Variants in STAC observed in about 807,000 individuals in gnomAD.
The protein encoded by STAC is SH3 and cysteine rich domain.
A neutral mutation model predicts 48.8 loss-of-function variants in STAC; 43 were observed. The ratio of observed to expected loss-of-function variants is 0.88; its 90% CI spans 0.69 to 1.14. STAC has a LOEUF of 1.14. Ranked by LOEUF, STAC falls within the 50% of genes most tolerant of loss-of-function variation. The pLI is 0.00. For synonymous variants in STAC, 193 were observed against 179.5 expected (o/e 1.07, Z -0.60); for missense variants, 497 against 504.0 (o/e 0.99, Z 0.13).
At chr3:36,514,558 A>G (rs1048841352) in intron 8 of STAC, among the ~76,000 whole-genome samples, 1 of 152,156 alleles carries the variant, frequency 6.6e-6, no homozygotes, top group Admixed American at 6.6e-5. Flanking sequence ...TGTAAACTCC[A>G]TGAGAACAAG....
chr3:36,495,611 G>C (rs1217883720), intron 6 of STAC, among the ~76,000 whole-genome samples: 1 of 152,228 alleles, frequency 6.6e-6, no homozygotes, highest in Non-Finnish European at 1.5e-5. Flanking sequence ...ATCCTGGCCT[G>C]GCTCTGTCTA....
At chr3:36,383,362 A>G (rs1444850246) in intron 1 of STAC, among the ~76,000 whole-genome samples, 1 of 152,200 alleles carries the variant, frequency 6.6e-6, no homozygotes, top group Non-Finnish European at 1.5e-5. Context: ...ATTTTAATAT[A>G]CACAAAAGTA....
chr3:36,454,103 G>C (rs1645315781), intron 2 of STAC, among the ~76,000 whole-genome samples: 1 of 151,510 alleles, frequency 6.6e-6, no homozygotes, highest in Non-Finnish European at 1.5e-5. Context: ...GGCCAAATAA[G>C]AGAATAAAAG....
At chr3:36,489,447 C>A (rs1033407417) in intron 5 of STAC, among the ~76,000 whole-genome samples, 1 of 152,232 alleles carries the variant, frequency 6.6e-6, no homozygotes, top group Non-Finnish European at 1.5e-5. Context: ...CTATCTCCAC[C>A]TCTGTCAGAC....
At position 36,450,546 on chromosome 3, in the gene STAC, T is replaced by A. The variant is rs577948085; in HGVS notation, c.388+6906T>A. 2.4e-3 allele frequency among the ~76,000 whole-genome samples: 371 copies of A among 152,270 alleles called. 2 individuals carry two copies. The highest frequency in any genetic ancestry group is 7.3e-3 in the South Asian group (35 of 4,822). On this transcript the variant is annotated intron_variant, in intron 2 of 10. Transcript: ENST00000273183. Reference sequence around the variant, plus strand: ...CATACCCAAATAAAATGGCATCCTATCCAGAGTCTCGCTCTGTCACCCAGG... The same window carrying A: ...CATACCCAAATAAAATGGCATCCTAACCAGAGTCTCGCTCTGTCACCCAGG...
chr3:36,545,129 C>A (rs1346252263), intron 10 of STAC, among the ~76,000 whole-genome samples: 2 of 152,196 alleles, frequency 1.3e-5, no homozygotes, highest in Non-Finnish European at 2.9e-5. Context: ...CTCACAGCTG[C>A]CCTTCTCAGG....
chr3:36,384,868 T>C (rs1383007161), intron 1 of STAC, among the ~76,000 whole-genome samples: 1 of 152,168 alleles, frequency 6.6e-6, no homozygotes, highest in Non-Finnish European at 1.5e-5. Flanking sequence ...GCCCTGAATC[T>C]CCCAGAAAGA....
chr3:36,449,512 G>A (rs1696622652), intron 2 of STAC, among the ~76,000 whole-genome samples: 1 of 152,126 alleles, frequency 6.6e-6, no homozygotes, highest in East Asian at 1.9e-4. Flanking sequence ...AATTATAAAT[G>A]ACACACATGA....
Position 36,397,463 on chromosome 3 carries a change from C to A in STAC, c.111+16709C>A, listed in dbSNP as rs76220263. On this transcript the variant is annotated intron_variant, in intron 1 of 10. Transcript: ENST00000273183. The stretch of plus-strand genomic sequence containing the variant: ...TAAGCTGCCATATTGGGCACTATCT[C>A]TTCTATTCAGTTATATATACTGTAA... 0.018 allele frequency among the ~76,000 whole-genome samples: 2,753 copies of A among 152,246 alleles called. 151 individuals are homozygous for A. The East Asian group carries it at 0.22, about 12-fold the overall frequency.
At chr3:36,404,375 T>C (rs563487651) in intron 1 of STAC, among the ~76,000 whole-genome samples, 5 of 152,196 alleles carry the variant, frequency 3.3e-5, no homozygotes, top group Non-Finnish European at 5.9e-5. Context: ...CCGTGTAGTA[T>C]TGGGATCATA....
intron 1 of STAC, among the ~76,000 whole-genome samples, chr3:36,405,331 A>G (rs1700069938): frequency 6.6e-6 from 1 of 152,292 alleles, no homozygotes; most frequent in East Asian, 1.9e-4. Context: ...TGAAACCTTG[A>G]GCTGTGATAA....
At position 36,505,972 on chromosome 3, in the gene STAC, T is replaced by C. The variant is rs960748710; in HGVS notation, c.920+138T>C. On this transcript the variant is annotated intron_variant, in intron 8 of 10. Coordinates refer to ENST00000273183, the MANE Select transcript of STAC (RefSeq NM_003149.3). Reference sequence around the variant, plus strand: ...AAACTTTAGCATGTATCTAATGACCTGCAAGGCTGGTTAACACACAGGCCC... The same window carrying C: ...AAACTTTAGCATGTATCTAATGACCCGCAAGGCTGGTTAACACACAGGCCC... The C allele has an allele frequency of 8.8e-6, 5 of 569,736 alleles. No homozygotes were observed. The African/African-American group carries it at 9.7e-5, about 11-fold the overall frequency. The allele number at this position is 569,736 out of a possible 1,614,324, so 35.3% of individuals were successfully genotyped here. A position where few individuals can be genotyped will look rare whatever the true frequency, so the allele number is the denominator to read the frequency against.
intron 8 of STAC, among the ~76,000 whole-genome samples, chr3:36,515,181 A>C (rs191685731): frequency 8.4e-4 from 128 of 152,230 alleles, no homozygotes; most frequent in African/African-American, 2.1e-3. Flanking sequence ...TCAAGAAGAA[A>C]TTGTAAAGGG....
At chr3:36,384,091 A>C (rs1197781149) in intron 1 of STAC, among the ~76,000 whole-genome samples, 1 of 152,196 alleles carries the variant, frequency 6.6e-6, no homozygotes, top group Non-Finnish European at 1.5e-5. Flanking sequence ...GAAAGATGAC[A>C]GCCTAATTTA....
intron 1 of STAC, among the ~76,000 whole-genome samples, chr3:36,442,122 T>A (rs1696367075): frequency 6.6e-6 from 1 of 152,212 alleles, no homozygotes. Context: ...ATCTGCATGA[T>A]CCATTGATCA....
At chr3:36,466,716 G>T (rs552632601) in intron 2 of STAC, among the ~76,000 whole-genome samples, 7 of 152,208 alleles carry the variant, frequency 4.6e-5, no homozygotes, top group African/African-American at 1.7e-4. Context: ...AACTTTGCTG[G>T]ATTCATTTAT....
At chr3:36,469,686 A>T (rs1275188573) in intron 2 of STAC, among the ~76,000 whole-genome samples, 1 of 151,962 alleles carries the variant, frequency 6.6e-6, no homozygotes, top group East Asian at 1.9e-4. Context: ...AAACTTGTAG[A>T]TTTCTCTTCT....
intron 2 of STAC, among the ~76,000 whole-genome samples, chr3:36,454,092 G>A (rs1696777188): frequency 1.3e-5 from 2 of 152,228 alleles, no homozygotes; most frequent in East Asian, 3.9e-4. Context: ...GATGTGGGTG[G>A]GGCCAAATAA....
intron 10 of STAC, among the ~76,000 whole-genome samples, chr3:36,537,620 A>G (rs771811670): frequency 6.2e-4 from 95 of 152,236 alleles, no homozygotes; most frequent in Non-Finnish European, 1.2e-3. Flanking sequence ...TACCTAGGTG[A>G]TGGGTTGATA....
Sources: gnomAD v4.1 joint callset for allele counts (sites outside exome capture counted in the v4.1 genomes callset) on GRCh38, gnomAD v4.1.1 for gene constraint, MANE v1.5 for transcripts, NCBI Gene and HGNC (gene_info 2026-07-23, HGNC 2026-07-21) for gene names.